The following LMOD1 variants were observed in gnomAD, a reference collection of about 807,000 sequenced individuals.
The protein encoded by LMOD1 is leiomodin 1, also known as leiomodin-1.
A neutral mutation model predicts 36.5 loss-of-function variants in LMOD1; 8 were observed. The ratio of observed to expected loss-of-function variants is 0.22; its 90% CI spans 0.13 to 0.40. LMOD1 has a LOEUF of 0.40. Ranked by LOEUF, LMOD1 falls within the 10% of genes least tolerant of loss-of-function variation. The pLI is 1.00. For missense variants in LMOD1, 630 were observed against 751.1 expected, an observed-to-expected ratio of 0.84 and a Z score of 1.88; for synonymous variants, 284 against 288.7, an observed-to-expected ratio of 0.98 and a Z score of 0.17.
chr1:201,913,340 T>G (rs951119775), intron 1 of LMOD1, among the ~76,000 whole-genome samples: 2 of 152,172 alleles, frequency 1.3e-5, no homozygotes, highest in Admixed American at 6.5e-5. Context: ...GCACAGTGGC[T>G]CATGCATGTA....
intron 1 of LMOD1, among the ~76,000 whole-genome samples, chr1:201,942,904 A>T: frequency 6.6e-6 from 1 of 152,202 alleles, no homozygotes; most frequent in Non-Finnish European, 1.5e-5. Context: ...AAAAGAAAAG[A>T]ATCCTTTAAA....
intron 1 of LMOD1, among the ~76,000 whole-genome samples, chr1:201,910,504 GA>G (rs1197637215): frequency 1.3e-5 from 2 of 151,758 alleles, no homozygotes; most frequent in Non-Finnish European, 2.9e-5. Context: ...GTCTGGTCTC[GA>G]ACTCCTGTGC....
chr1:201,899,406 G>T lies in LMOD1; in HGVS notation c.1607C>A (p.Pro536His), dbSNP rs1558233786. The T allele has an allele frequency of 1.9e-6, 3 of 1,612,996 alleles. No individual in the cohort carries two copies. Among genetic ancestry groups the T allele is most frequent in the African/African-American group, 2.7e-5 (2 of 74,894 alleles). Reference protein sequence around the residue: ...KKGGAPAAPPPPPPPLAPPLI... With the variant: ...KKGGAPAAPPHPPPPLAPPLI... ...GGGTGGAGCCAAGGGAGGGGGAGGG[G>T]GTGGTGGGGCAGCTGGAGCACCCCC... is the stretch of plus-strand genomic sequence containing the variant. Residue 536 changes from proline (P) to histidine (H), a missense_variant, in exon 2 of 3, where the codon CCC becomes CAC. Physicochemically the swap from Pro to His is moderately conservative, Grantham distance 77. Transcript: ENST00000367288. This position sits in a 1 kb window ranked among gnomAD's most constrained non-coding sequence, Gnocchi z 6.3.
In LMOD1 at chr1:201,899,137, C is replaced by G; in HGVS notation, c.1776+100G>C. On this transcript the variant is annotated intron_variant, in intron 2 of 2. Transcript: ENST00000367288. This position sits in a 1 kb window ranked among gnomAD's most constrained non-coding sequence, Gnocchi z 6.3. Reference sequence around the variant, plus strand: ...CCTGGGAGTCTATATCATCTGCAGCCGACATAAGCTCCTCTGCATGCCTTC... The same window carrying G: ...CCTGGGAGTCTATATCATCTGCAGCGGACATAAGCTCCTCTGCATGCCTTC... The G allele has an allele frequency of 9.1e-7, 1 of 1,098,332 alleles. No individual in the cohort carries two copies. Among genetic ancestry groups the G allele is most frequent in the Non-Finnish European group, 1.3e-6 (1 of 784,522 alleles). 68.0% of individuals were successfully genotyped at this position (1,098,332 alleles called of 1,614,324 possible). A position where few individuals can be genotyped will look rare whatever the true frequency, so the allele number is the denominator to read the frequency against.
chr1:201,910,271 C>T (rs6672771), intron 1 of LMOD1, among the ~76,000 whole-genome samples: 2,202 of 120,170 alleles, frequency 0.018, 48 homozygotes, highest in African/African-American at 0.057. Context: ...GTTTCCTATA[C>T]GCATTTTTTT....
chr1:201,900,576 C>A lies in LMOD1; in HGVS notation c.437G>T (p.Gly146Val). 1.2e-6 allele frequency: 2 copies of A among 1,613,882 alleles called. No individual in the cohort carries two copies. The highest frequency in any genetic ancestry group is 1.7e-6 in the Non-Finnish European group (2 of 1,179,884). Residue 146 changes from glycine (G) to valine (V), a missense_variant, in exon 2 of 3, where the codon GGC (glycine) becomes GTC (valine). By Grantham distance (109) the Gly-to-Val change is moderately radical (BLOSUM62 -3). Around this residue, in one of 3 missense-constraint regions of LMOD1, gnomAD observed 405 missense variants for 400.6 expected, o/e 1.01. Coordinates refer to ENST00000367288, the MANE Select transcript of LMOD1 (RefSeq NM_012134.3). ...RDRDEAGGKSGEKPKEEKIIR... is the reference protein window; with the variant it reads ...RDRDEAGGKSVEKPKEEKIIR... ...GATCTTCTCCTCCTTGGGCTTCTCGCCACTCTTGCCACCAGCTTCATCTCT... is the reference window on the plus strand; with the variant it reads ...GATCTTCTCCTCCTTGGGCTTCTCGACACTCTTGCCACCAGCTTCATCTCT...
rs1292094387 is a variant in LMOD1 at position 201,940,740 on chromosome 1, C to T, written c.261+5340G>A. Among the ~76,000 whole-genome samples, 9 of 145,770 alleles carry T rather than the reference C, an allele frequency of 6.2e-5. No homozygotes were observed. The South Asian group carries it at 6.7e-4, about 11-fold the overall frequency. ...GCTGGACTACAGGCATGCACCACCACGCCCAGCATTTTTTTTTTTTTTTTT... is the reference window on the plus strand; with the variant it reads ...GCTGGACTACAGGCATGCACCACCATGCCCAGCATTTTTTTTTTTTTTTTT... On this transcript the variant is annotated intron_variant, in intron 1 of 2. Transcript: ENST00000367288.
intron 1 of LMOD1, among the ~76,000 whole-genome samples, chr1:201,921,764 T>C (rs545869609): frequency 3.0e-4 from 45 of 151,562 alleles, no homozygotes; most frequent in African/African-American, 9.4e-4. Flanking sequence ...ATCGAGACCA[T>C]CCTGGCTAAC....
intron 1 of LMOD1, among the ~76,000 whole-genome samples, chr1:201,943,444 A>G (rs1446219085): frequency 1.3e-5 from 2 of 152,214 alleles, no homozygotes; most frequent in African/African-American, 2.4e-5. Context: ...CATGGAGTGA[A>G]GGCCACCGTC....
chr1:201,942,677 T>C (rs946496504), intron 1 of LMOD1, among the ~76,000 whole-genome samples: 8 of 151,726 alleles, frequency 5.3e-5, no homozygotes, highest in Non-Finnish European at 5.9e-5. Context: ...TTTCTTTCTT[T>C]TTTTTTTTTA....
chr1:201,921,100 A>G (rs1681696366), intron 1 of LMOD1, among the ~76,000 whole-genome samples: 1 of 152,084 alleles, frequency 6.6e-6, no homozygotes, highest in South Asian at 2.1e-4. Flanking sequence ...GCTTATAACC[A>G]TGGCGGGGAA....
intron 1 of LMOD1, among the ~76,000 whole-genome samples, chr1:201,901,998 T>C (rs1271148012): frequency 6.6e-6 from 1 of 150,578 alleles, no homozygotes; most frequent in Admixed American, 6.6e-5. Context: ...GGTCTTGTTA[T>C]GTTGCCCAGG....
intron 1 of LMOD1, among the ~76,000 whole-genome samples, chr1:201,915,093 A>G (rs936415269): frequency 6.6e-6 from 1 of 152,120 alleles, no homozygotes; most frequent in African/African-American, 2.4e-5. Flanking sequence ...TTTATTTCAT[A>G]TATTGCTCAA....
At chr1:201,937,688 C>T (rs1169679386) in intron 1 of LMOD1, among the ~76,000 whole-genome samples, 3 of 152,062 alleles carry the variant, frequency 2.0e-5, no homozygotes, top group African/African-American at 2.4e-5. Context: ...ATTGCTTGAG[C>T]CCATGAGATG....
At chr1:201,945,549 C>G (rs995072683) in intron 1 of LMOD1, among the ~76,000 whole-genome samples, 3 of 152,182 alleles carry the variant, frequency 2.0e-5, no homozygotes, top group African/African-American at 7.2e-5. Flanking sequence ...CCCTGTCTCC[C>G]TTTGCTTTGG....
At chr1:201,905,491 C>T (rs960185082) in intron 1 of LMOD1, among the ~76,000 whole-genome samples, 2 of 152,230 alleles carry the variant, frequency 1.3e-5, no homozygotes, top group East Asian at 3.8e-4. Flanking sequence ...ATTTCACCAC[C>T]TCCATTGGCA....
At chr1:201,910,606 C>G (rs1681478567) in intron 1 of LMOD1, among the ~76,000 whole-genome samples, 1 of 151,084 alleles carries the variant, frequency 6.6e-6, no homozygotes, top group African/African-American at 2.4e-5. Flanking sequence ...TCATCATGGT[C>G]TTAACAACCA....
chr1:201,932,070 G>A (rs1163125036), intron 1 of LMOD1, among the ~76,000 whole-genome samples: 1 of 152,164 alleles, frequency 6.6e-6, no homozygotes, highest in Non-Finnish European at 1.5e-5. Context: ...TAGCTTGGAT[G>A]CACAATAGAA....
At chr1:201,916,652 T>C (rs1681616717) in intron 1 of LMOD1, among the ~76,000 whole-genome samples, 1 of 151,736 alleles carries the variant, frequency 6.6e-6, no homozygotes, top group African/African-American at 2.4e-5. Flanking sequence ...CAGGCCGTGG[T>C]GTGGGGAGGA....
Sources: allele counts gnomAD v4.1 joint callset (sites outside exome capture counted in the v4.1 genomes callset), GRCh38; gene constraint gnomAD v4.1.1; regional missense constraint gnomAD v4.1.1; non-coding constraint Gnocchi (gnomAD v3.1); transcripts MANE v1.5; gene names NCBI Gene and HGNC (gene_info 2026-07-23, HGNC 2026-07-21).